GAS7: variants seen among roughly 807,000 people sequenced by gnomAD.
GAS7 encodes the protein growth arrest specific 7.
In GAS7, 28 loss-of-function variants were observed where a neutral mutation model predicts 71.1. The observed-to-expected ratio is 0.39, with a 90% CI of 0.29 to 0.54. The LOEUF (loss-of-function observed/expected upper bound fraction) is 0.54, where lower values mean the gene tolerates loss of function less well. Ranked by LOEUF, GAS7 falls within the 20% of genes least tolerant of loss-of-function variation. GAS7 has a pLI of 0.62. For synonymous variants in GAS7, 258 were observed against 245.8 expected, an observed-to-expected ratio of 1.05 and a Z score of -0.46; for missense variants, 436 against 627.8, an observed-to-expected ratio of 0.69 and a Z score of 3.27.
At chr17:10,042,287 T>G (rs1597740364) in intron 1 of GAS7, among the ~76,000 whole-genome samples, 1 of 105,932 alleles carries the variant, frequency 9.4e-6, no homozygotes, top group African/African-American at 4.1e-5. Context: ...AGAGCGAGAC[T>G]CCGTCAAAAA....
At chr17:10,134,190 C>T (rs2074020790) in intron 1 of GAS7, among the ~76,000 whole-genome samples, 1 of 147,098 alleles carries the variant, frequency 6.8e-6, no homozygotes, top group South Asian at 2.1e-4. Context: ...TCCACCACGC[C>T]TAGCTATTTT....
chr17:9,964,104 T>G (rs909011215), intron 4 of GAS7, among the ~76,000 whole-genome samples: 1 of 152,122 alleles, frequency 6.6e-6, no homozygotes, highest in Middle Eastern at 3.2e-3. Flanking sequence ...TAAATTTCCT[T>G]TGCCTGTGAT....
chr17:10,197,343 G>T (rs1266572042), intron 1 of GAS7, among the ~76,000 whole-genome samples: 1 of 152,154 alleles, frequency 6.6e-6, no homozygotes, highest in Non-Finnish European at 1.5e-5. Flanking sequence ...TGTTAATTTA[G>T]TCTTTACAAG....
chr17:9,946,829 C>A (rs778132490), intron 6 of GAS7, 65 bp downstream of exon 6: 18 of 985,454 alleles, frequency 1.8e-5, no homozygotes, highest in Non-Finnish European at 2.9e-5. Context: ...TCCCTCCTAC[C>A]CATCCTGGGT....
chr17:10,031,777 T>G (rs1410439245), intron 1 of GAS7, among the ~76,000 whole-genome samples: 1 of 152,224 alleles, frequency 6.6e-6, no homozygotes, highest in Non-Finnish European at 1.5e-5. Context: ...GCCCGTCCTT[T>G]TCGTTGGTGG....
intron 1 of GAS7, among the ~76,000 whole-genome samples, chr17:10,145,796 C>A (rs374906308): frequency 3.3e-5 from 5 of 152,350 alleles, no homozygotes; most frequent in East Asian, 3.9e-4. Flanking sequence ...AAGACCCCCC[C>A]AGAAATGAGA....
intron 2 of GAS7, among the ~76,000 whole-genome samples, chr17:9,982,454 C>G (rs2070446160): frequency 6.6e-6 from 1 of 152,174 alleles, no homozygotes; most frequent in African/African-American, 2.4e-5. Flanking sequence ...ACCTCTCTCT[C>G]TTCCAATGCC....
chr17:9,947,082 A>G lies in GAS7; in HGVS notation c.526-99T>C, dbSNP rs2068815918. 2.4e-5 allele frequency: 18 copies of G among 743,462 alleles called. No individual in the cohort carries two copies. The Middle Eastern group carries it at 7.0e-4, about 29-fold the overall frequency. The allele number at this position is 743,462 out of a possible 1,614,324, so 46.1% of individuals were successfully genotyped here. ...GACACGGCACTGGAGCAGCCTCCCT[A>G]TTGACAGAACACGCACAGGGATCTT... On this transcript the variant is annotated intron_variant, in intron 5 of 13. Coordinates refer to ENST00000432992, the MANE Select transcript of GAS7 (RefSeq NM_201433.2).
At chr17:9,930,553 C>A (rs1748411796) in intron 9 of GAS7, among the ~76,000 whole-genome samples, 1 of 152,220 alleles carries the variant, frequency 6.6e-6, no homozygotes, top group African/African-American at 2.4e-5. Context: ...CCAGGTATAA[C>A]TTTCTTTGTA....
intron 1 of GAS7, among the ~76,000 whole-genome samples, chr17:10,158,935 T>C (rs1402545849): frequency 3.3e-5 from 5 of 150,544 alleles, no homozygotes; most frequent in Middle Eastern, 3.2e-3. Flanking sequence ...CATGCACATG[T>C]AGTCCCAGAT....
At chr17:9,946,258 T>C (rs776919260) in intron 6 of GAS7, among the ~76,000 whole-genome samples, 13 of 152,072 alleles carry the variant, frequency 8.5e-5, no homozygotes, top group South Asian at 2.1e-4. Context: ...ATTTGAATGG[T>C]GAAAAAAATA....
intron 1 of GAS7, among the ~76,000 whole-genome samples, chr17:10,086,930 G>A (rs2073525924): frequency 1.3e-5 from 2 of 152,328 alleles, no homozygotes; most frequent in East Asian, 1.9e-4. Flanking sequence ...TACAAAAAGA[G>A]GGGGTCCAGA....
intron 1 of GAS7, among the ~76,000 whole-genome samples, chr17:10,051,732 T>C (rs769429959): frequency 3.9e-5 from 6 of 152,138 alleles, no homozygotes; most frequent in Non-Finnish European, 8.8e-5. Context: ...GAAAATGGCC[T>C]CATGTGCCTT....
At chr17:9,920,465 T>G (rs1313592948) in intron 11 of GAS7, among the ~76,000 whole-genome samples, 1 of 152,232 alleles carries the variant, frequency 6.6e-6, no homozygotes, top group Non-Finnish European at 1.5e-5. Flanking sequence ...CATTTTGTAA[T>G]TAGAAAGAAA....
intron 1 of GAS7, among the ~76,000 whole-genome samples, chr17:10,119,100 C>T (rs749779926): frequency 6.6e-6 from 1 of 152,126 alleles, no homozygotes; most frequent in Non-Finnish European, 1.5e-5. Flanking sequence ...CCTTGCTTTC[C>T]TGGAGTGACG....
At chr17:9,966,774 G>A (rs1327886674) in intron 4 of GAS7, among the ~76,000 whole-genome samples, 1 of 152,150 alleles carries the variant, frequency 6.6e-6, no homozygotes, top group Non-Finnish European at 1.5e-5. Flanking sequence ...CGGGAGGATT[G>A]TTTGAGCCCA....
At position 9,912,096 on chromosome 17, in the gene GAS7, G is replaced by A. The variant is rs1006426990; in HGVS notation, c.*5132C>T. On this transcript the variant is annotated 3_prime_UTR_variant, in exon 14 of 14. Coordinates refer to ENST00000432992, the MANE Select transcript of GAS7 (RefSeq NM_201433.2). ...CCAGAACATACTATCAAAGATCGAC[G>A]AATGAGATCCAAACGGTCATTACTT... 1.2e-4 allele frequency: 27 copies of A among 231,876 alleles called. No homozygotes were observed. The highest frequency in any genetic ancestry group is 4.9e-4 in the African/African-American group (22 of 45,254). The allele number at this position is 231,876 out of a possible 1,614,324, so 14.4% of individuals were successfully genotyped here. A position where few individuals can be genotyped will look rare whatever the true frequency, so the allele number is the denominator to read the frequency against.
chr17:10,020,075 G>A (rs938176224), intron 1 of GAS7, 178 bp from the exon 2 acceptor site: 8 of 604,598 alleles, frequency 1.3e-5, no homozygotes, highest in Non-Finnish European at 2.1e-5. Flanking sequence ...GCGTGAGCAT[G>A]AGCAGTGAGA....
At chr17:10,128,631 CT>C (rs113967374) in intron 1 of GAS7, among the ~76,000 whole-genome samples, 2,844 of 141,954 alleles carry the variant, frequency 0.02, 53 homozygotes, top group African/African-American at 0.059. Context: ...TTTCTTTTCT[CT>C]TTTTTTTTTT....
Sources: gnomAD v4.1 joint callset for allele counts (sites outside exome capture counted in the v4.1 genomes callset) on GRCh38, gnomAD v4.1.1 for gene constraint, MANE v1.5 for transcripts, NCBI Gene and HGNC (gene_info 2026-07-23, HGNC 2026-07-21) for gene names.